The following CDH18 variants were observed in gnomAD, a reference collection of about 807,000 sequenced individuals.
CDH18 encodes cadherin-18.
A neutral mutation model predicts 67.9 loss-of-function variants in CDH18; 31 were observed. The ratio of observed to expected loss-of-function variants is 0.46; its 90% CI spans 0.34 to 0.62. The LOEUF (loss-of-function observed/expected upper bound fraction) is 0.62. Ranked by LOEUF, CDH18 falls within the 20% of genes least tolerant of loss-of-function variation. The pLI is 0.01. For synonymous variants in CDH18, 362 were observed against 347.2 expected (o/e 1.04, Z -0.48); for missense variants, 890 against 975.5 (o/e 0.91, Z 1.17).
intron 1 of CDH18, among the ~76,000 whole-genome samples, chr5:20,274,632 T>C (rs993424298): frequency 6.6e-6 from 1 of 152,206 alleles, no homozygotes; most frequent in Non-Finnish European, 1.5e-5. Flanking sequence ...ATAAACCTGT[T>C]CTTAAAAAAC....
At position 19,994,861 on chromosome 5, in the gene CDH18, G is replaced by T. The variant is rs1451367508; in HGVS notation, c.-517-2847C>A. Among the ~76,000 whole-genome samples, 69 of 127,294 alleles carry T rather than the reference G, an allele frequency of 5.4e-4. 1 individual carries two copies. The highest frequency in any genetic ancestry group is 8.1e-4 in the Non-Finnish European group (49 of 60,586). 83.5% of individuals were successfully genotyped at this position (127,294 alleles called of 152,430 possible). On this transcript the variant is annotated intron_variant, in intron 2 of 14. Transcript: ENST00000507958. ...ATATATATATATATATATATAGAGA[G>T]AGAGAGAGAGAGAGAGATGTAGAAA...
At chr5:20,363,477 C>CAAAAA (rs1187140017) in intron 1 of CDH18, among the ~76,000 whole-genome samples, 5 of 101,226 alleles carry the variant, frequency 4.9e-5, no homozygotes, top group African/African-American at 7.9e-5. Context: ...GACTCCGTAT[C>CAAAAA]AAAAAAAAAA....
intron 2 of CDH18, among the ~76,000 whole-genome samples, chr5:20,053,206 AC>A (rs1741590270): frequency 6.6e-6 from 1 of 151,658 alleles, no homozygotes; most frequent in Admixed American, 6.6e-5. Flanking sequence ...TCTATCTTAT[AC>A]ATATAAATGT....
rs568331679 is a variant in CDH18, at chr5:20,573,040, A to G, written c.-580+2422T>C. 2.6e-5 allele frequency among the ~76,000 whole-genome samples: 4 copies of G among 152,250 alleles called. No individual in the cohort carries two copies. In the South Asian group the frequency reaches 6.2e-4, roughly 24 times the overall value. On this transcript the variant is annotated intron_variant, in intron 1 of 14. Transcript: ENST00000507958. ...TTCATTACACAGTTGGAAAGTGTGA[A>G]GTGTTTTTTAAAAACACTTTCTTTT...
At chr5:20,462,110 A>G (rs1751305215) in intron 1 of CDH18, among the ~76,000 whole-genome samples, 1 of 152,220 alleles carries the variant, frequency 6.6e-6, no homozygotes, top group South Asian at 2.1e-4. Flanking sequence ...AGCATATGGA[A>G]TCAACTTAAG....
At chr5:19,516,555 A>T (rs1006887101) in intron 10 of CDH18, among the ~76,000 whole-genome samples, 1 of 152,104 alleles carries the variant, frequency 6.6e-6, no homozygotes, top group Non-Finnish European at 1.5e-5. Context: ...CAGCGATTCA[A>T]CATCTTCCTG....
intron 1 of CDH18, among the ~76,000 whole-genome samples, chr5:20,524,355 C>T (rs1365150297): frequency 6.6e-6 from 1 of 152,056 alleles, no homozygotes; most frequent in South Asian, 2.1e-4. Context: ...TTAATAAATG[C>T]AATTTTAACA....
intron 6 of CDH18, among the ~76,000 whole-genome samples, chr5:19,604,512 A>G (rs1747701311): frequency 7.0e-6 from 1 of 143,430 alleles, no homozygotes; most frequent in Non-Finnish European, 1.5e-5. Context: ...TATGCTGAGA[A>G]TGCTAATTTC....
At chr5:20,182,510 G>T (rs1215524534) in intron 2 of CDH18, among the ~76,000 whole-genome samples, 1 of 140,184 alleles carries the variant, frequency 7.1e-6, no homozygotes, top group Admixed American at 7.9e-5. Context: ...ACTGAGGCAG[G>T]AAAATTGCAT....
At chr5:19,732,225 G>A (rs966987129) in intron 4 of CDH18, among the ~76,000 whole-genome samples, 1 of 142,110 alleles carries the variant, frequency 7.0e-6, no homozygotes, top group South Asian at 2.3e-4. Context: ...TCAGGAGTTT[G>A]AGCCCAGATA....
intron 2 of CDH18, among the ~76,000 whole-genome samples, chr5:20,163,338 A>T (rs913603646): frequency 1.3e-5 from 2 of 152,028 alleles, no homozygotes; most frequent in Admixed American, 6.6e-5. Flanking sequence ...CCAATTTTCT[A>T]AAAAAAGTAT....
At chr5:20,149,986 G>GA (rs1237578960) in intron 2 of CDH18, among the ~76,000 whole-genome samples, 2 of 151,448 alleles carry the variant, frequency 1.3e-5, no homozygotes, top group East Asian at 1.9e-4. Flanking sequence ...ATGGAATTTA[G>GA]AAAAAAAATG....
At chr5:20,428,006 C>T (rs1022132530) in intron 1 of CDH18, among the ~76,000 whole-genome samples, 1 of 150,804 alleles carries the variant, frequency 6.6e-6, no homozygotes, top group African/African-American at 2.5e-5. Context: ...TATACAAGTG[C>T]CATGGTGGTT....
At chr5:19,752,520 C>A (rs943210881) in intron 3 of CDH18, among the ~76,000 whole-genome samples, 113 of 152,130 alleles carry the variant, frequency 7.4e-4, no homozygotes, top group African/African-American at 2.5e-3. Flanking sequence ...GCAGTGGCAG[C>A]AAGACCCACC....
At chr5:20,100,079 C>T (rs6451645) in intron 2 of CDH18, among the ~76,000 whole-genome samples, 122,857 of 152,118 alleles carry the variant, frequency 0.81, 51,233 homozygotes, top group Non-Finnish European at 0.91. Context: ...GCCACCATGC[C>T]CGGTTTCTAA....
chr5:20,210,589 T>C (rs982366934), intron 2 of CDH18, among the ~76,000 whole-genome samples: 6 of 151,980 alleles, frequency 3.9e-5, no homozygotes, highest in African/African-American at 1.4e-4. Flanking sequence ...TTTAAGGTTT[T>C]GATATTAAAG....
At chr5:20,245,244 T>C (rs956872042) in intron 2 of CDH18, among the ~76,000 whole-genome samples, 2 of 152,150 alleles carry the variant, frequency 1.3e-5, no homozygotes, top group African/African-American at 4.8e-5. Context: ...GATGGCATTA[T>C]ATTGTAGCAC....
chr5:20,392,548 T>G (rs778959539), intron 1 of CDH18, among the ~76,000 whole-genome samples: 10 of 151,892 alleles, frequency 6.6e-5, no homozygotes, highest in Non-Finnish European at 1.2e-4. Flanking sequence ...GAAGAGACAG[T>G]GAATATTATT....
chr5:20,349,581 T>G (rs1740993994), intron 1 of CDH18, among the ~76,000 whole-genome samples: 1 of 152,112 alleles, frequency 6.6e-6, no homozygotes, highest in South Asian at 2.1e-4. Flanking sequence ...GGCTATGTAT[T>G]CATAGTAAGT....
Sources: allele counts gnomAD v4.1 joint callset (sites outside exome capture counted in the v4.1 genomes callset), GRCh38; gene constraint gnomAD v4.1.1; transcripts MANE v1.5; gene names NCBI Gene and HGNC (gene_info 2026-07-23, HGNC 2026-07-21).